Variants in ZNF217 observed in about 807,000 individuals in gnomAD.
ZNF217 encodes zinc finger protein 217.
Under a neutral mutation model 73.3 loss-of-function variants are expected in ZNF217, and 12 were observed. The observed-to-expected ratio is 0.16, with a 90% CI of 0.10 to 0.27. The LOEUF is 0.27. ZNF217 is among the 10% of genes least tolerant of loss of function. The probability of loss-of-function intolerance (pLI) is 1.00; values close to 1 mark genes in which losing one functional copy is unlikely to be tolerated. For missense variants in ZNF217, 1,195 were observed against 1,327.8 expected, an observed-to-expected ratio of 0.90 and a Z score of 1.55; for synonymous variants, 588 against 516.4, an observed-to-expected ratio of 1.14 and a Z score of -1.88.
chr20:53,585,926 ACT>A (rs1433810503), intron 1 of ZNF217, among the ~76,000 whole-genome samples: 1 of 151,948 alleles, frequency 6.6e-6, no homozygotes, highest in Non-Finnish European at 1.5e-5. Context: ...TCTGAGACTG[ACT>A]CTAATAGTCA....
intron 1 of ZNF217, among the ~76,000 whole-genome samples, chr20:53,586,731 T>G (rs925949519): frequency 6.6e-6 from 1 of 152,180 alleles, no homozygotes; most frequent in Admixed American, 6.5e-5. Flanking sequence ...TACAGCAAAA[T>G]AGAAATTCTA....
chr20:53,579,302 G>T (rs192751124), intron 2 of ZNF217, among the ~76,000 whole-genome samples: 1 of 152,132 alleles, frequency 6.6e-6, no homozygotes, highest in African/African-American at 2.4e-5. Flanking sequence ...TTAAATAAAT[G>T]TCCCCTCACT....
chr20:53,590,890 C>T (rs574305494), intron 1 of ZNF217, among the ~76,000 whole-genome samples: 2 of 152,050 alleles, frequency 1.3e-5, no homozygotes, highest in Non-Finnish European at 2.9e-5. Flanking sequence ...AGATTTCCTC[C>T]AAAACAAGTC....
intron 4 of ZNF217, among the ~76,000 whole-genome samples, chr20:53,572,145 T>C (rs1033501203): frequency 3.9e-5 from 6 of 152,212 alleles, no homozygotes; most frequent in Non-Finnish European, 5.9e-5. Context: ...ATATGCATCA[T>C]GAACCAAACT....
intron 1 of ZNF217, among the ~76,000 whole-genome samples, chr20:53,592,257 G>A (rs1338106746): frequency 6.6e-6 from 1 of 152,156 alleles, no homozygotes; most frequent in Non-Finnish European, 1.5e-5. Flanking sequence ...TACTTTCTCC[G>A]TGTTTAGGAA....
chr20:53,593,846 G>A (rs1451440642), upstream of ZNF217: 1 of 150,110 alleles, frequency 6.7e-6, no homozygotes, highest in Non-Finnish European at 1.5e-5. Context: ...GAATGAGGAG[G>A]AGCGGGCGCG....
Position 53,569,018 on chromosome 20 carries a change from C to T in ZNF217, c.*270G>A, listed in dbSNP as rs1475886590. ...GGTCAATTCTAAGAAAAATATTATT[C>T]AGGGACAAAATAGAGATTTCCAGTC... On this transcript the variant is annotated 3_prime_UTR_variant, in exon 6 of 6. Transcript: ENST00000371471. 2 of 837,406 alleles carry T rather than the reference C, an allele frequency of 2.4e-6. No homozygotes were observed. The highest frequency in any genetic ancestry group is 2.0e-5 in the African/African-American group (1 of 49,202). 51.9% of individuals were successfully genotyped at this position (837,406 alleles called of 1,614,324 possible). A position where few individuals can be genotyped will look rare whatever the true frequency, so the allele number is the denominator to read the frequency against.
chr20:53,585,095 GAAAAAAAAAAAAAA>G (rs748460021), intron 1 of ZNF217, among the ~76,000 whole-genome samples: 2 of 46,960 alleles, frequency 4.3e-5, no homozygotes, highest in Non-Finnish European at 8.1e-5. Flanking sequence ...GTGAGAATTT[GAAAAAAAAAAAAAA>G]AAAAAAAAAC....
At position 53,568,540 on chromosome 20, in the gene ZNF217, C is replaced by T. The variant is rs1487033353; in HGVS notation, c.*748G>A. ...CATCCCAACGCCCTCAGTCAAGGAT[C>T]CTGGAGGTTCCAGGACAATCTGGAG... On this transcript the variant is annotated 3_prime_UTR_variant, in exon 6 of 6. Coordinates refer to ENST00000371471, the MANE Select transcript of ZNF217 (RefSeq NM_006526.3). 2.0e-5 allele frequency: 3 copies of T among 152,148 alleles called. No homozygotes were observed. Among genetic ancestry groups the T allele is most frequent in the Non-Finnish European group, 4.4e-5 (3 of 68,038 alleles). The allele number at this position is 152,148 out of a possible 1,614,324, so 9.4% of individuals were successfully genotyped here. A position where few individuals can be genotyped will look rare whatever the true frequency, so the allele number is the denominator to read the frequency against.
At chr20:53,574,166 G>A (rs906727449) in intron 4 of ZNF217, among the ~76,000 whole-genome samples, 2 of 152,042 alleles carry the variant, frequency 1.3e-5, no homozygotes, top group Non-Finnish European at 2.9e-5. Flanking sequence ...AGGGAATTAC[G>A]ACAAGGAAAA....
At chr20:53,578,984 A>G (rs1022572297) in intron 2 of ZNF217, among the ~76,000 whole-genome samples, 10 of 152,226 alleles carry the variant, frequency 6.6e-5, no homozygotes, top group African/African-American at 2.4e-4. Context: ...AACAGAAAAG[A>G]AAGTCTGGCA....
chr20:53,586,224 G>A (rs368898629), intron 1 of ZNF217, among the ~76,000 whole-genome samples: 4 of 152,142 alleles, frequency 2.6e-5, no homozygotes, highest in Admixed American at 2.0e-4. Context: ...TCGACACATA[G>A]CTGGTGAATA....
chr20:53,571,986 G>A (rs764851126), intron 4 of ZNF217, 133 bp from the exon 5 acceptor site: 2 of 833,800 alleles, frequency 2.4e-6, no homozygotes, highest in Non-Finnish European at 3.4e-6. Flanking sequence ...ACAGTCGCAT[G>A]CAAGTGTTTT....
rs370465718 is a variant in ZNF217 at position 53,584,218 on chromosome 20, A to C, written c.-342-1050T>G. 2.6e-4 allele frequency among the ~76,000 whole-genome samples: 39 copies of C among 152,376 alleles called. 1 individual carries two copies. In the East Asian group the frequency reaches 6.4e-3, roughly 25 times the overall value. ...GTTTTTAAATAGTCCCAACTACTTA[A>C]AACTTAAGTCAGTTAATTCCACCCA... On this transcript the variant is annotated intron_variant, in intron 1 of 5. Coordinates refer to ENST00000371471, the MANE Select transcript of ZNF217 (RefSeq NM_006526.3).
chr20:53,581,576 C>G lies in ZNF217; in HGVS notation c.1251G>C (p.Pro417=), dbSNP rs781317888. The stretch of plus-strand genomic sequence containing the variant: ...CGGCGAGGTCAGGAGAACACGTCCC[C>G]GGCTGCCTCCCGTCCACAGACATGG... ...SPTMSVDGRQ[P]GTCSPDLAAP... The change falls in exon 2 of 6, where the codon CCG becomes CCC. Residue 417 remains proline (P), a synonymous_variant. Coordinates refer to ENST00000371471, the MANE Select transcript of ZNF217 (RefSeq NM_006526.3). This position sits in a 1 kb window ranked among gnomAD's most constrained non-coding sequence, Gnocchi z 4.9. The G allele has an allele frequency of 1.2e-6, 2 of 1,614,242 alleles. No individual in the cohort carries two copies. Among genetic ancestry groups the G allele is most frequent in the Admixed American group, 1.7e-5 (1 of 60,034 alleles).
In ZNF217 at chr20:53,576,662, G is replaced by A; in HGVS notation, c.2102C>T (p.Ser701Phe). Residue 701 changes from serine (S) to phenylalanine (F), a missense_variant, in exon 4 of 6, where the codon TCT becomes TTT. Ser to Phe is a radical substitution (Grantham distance 155, BLOSUM62 -2). This residue lies in a region of ZNF217 where 649 missense variants were observed against 642.8 expected (regional missense o/e 1.01). Coordinates refer to ENST00000371471, the MANE Select transcript of ZNF217 (RefSeq NM_006526.3). ...ACTTGGAATCAAACTTTTACTCAAAGAAATTGCCGGGCAATTGTGAAGAGC... is the reference window on the plus strand; with the variant it reads ...ACTTGGAATCAAACTTTTACTCAAAAAAATTGCCGGGCAATTGTGAAGAGC... ...VGALHNCPAISLSKSLIPSIT... is the reference protein window; with the variant it reads ...VGALHNCPAIFLSKSLIPSIT... 1.2e-6 allele frequency: 2 copies of A among 1,614,198 alleles called. No individual in the cohort carries two copies. The highest frequency in any genetic ancestry group is 1.7e-6 in the Non-Finnish European group (2 of 1,180,032).
chr20:53,571,950 GATA>G, intron 4 of ZNF217, 97 bp from the exon 5 acceptor site: 1 of 1,273,908 alleles, frequency 7.8e-7, no homozygotes, highest in Admixed American at 2.9e-5. Flanking sequence ...TTCTGACACT[GATA>G]ATGTAATCAA....
chr20:53,577,580 GT>G (rs1463397509), intron 3 of ZNF217, among the ~76,000 whole-genome samples: 1 of 152,160 alleles, frequency 6.6e-6, no homozygotes, highest in East Asian at 1.9e-4. Flanking sequence ...GCACAAAAAG[GT>G]TAAATAACTT....
intron 1 of ZNF217, among the ~76,000 whole-genome samples, chr20:53,589,328 TTTTA>T (rs747019203): frequency 1.3e-5 from 2 of 152,246 alleles, no homozygotes; most frequent in Non-Finnish European, 1.5e-5. Flanking sequence ...GGTTTAGTAA[TTTTA>T]TTTCTCAACT....
Sources: allele counts gnomAD v4.1 joint callset (sites outside exome capture counted in the v4.1 genomes callset), GRCh38; gene constraint gnomAD v4.1.1; regional missense constraint gnomAD v4.1.1; non-coding constraint Gnocchi (gnomAD v3.1); transcripts MANE v1.5; gene names NCBI Gene and HGNC (gene_info 2026-07-23, HGNC 2026-07-21).